The following USP25 variants were observed in gnomAD, a reference collection of about 807,000 sequenced individuals.
USP25 encodes the protein ubiquitin carboxyl-terminal hydrolase 25.
USP25 carries 85 observed loss-of-function variants against 158.5 expected under a neutral mutation model. The observed-to-expected ratio is 0.54, with a 90% CI of 0.45 to 0.64. USP25 has a LOEUF of 0.64. USP25 is among the 30% of genes least tolerant of loss of function. The pLI is 0.00. For synonymous variants in USP25, 464 were observed against 460.4 expected, an observed-to-expected ratio of 1.01 and a Z score of -0.10; for missense variants, 1,242 against 1,327.3, an observed-to-expected ratio of 0.94 and a Z score of 1.00.
intron 20 of USP25, among the ~76,000 whole-genome samples, chr21:15,863,084 ATATAAG>A (rs1257145666): frequency 6.6e-6 from 1 of 152,044 alleles, no homozygotes. Context: ...TAGAATTTAC[ATATAAG>A]TATAATATAA....
At chr21:15,787,846 A>G (rs1000073859) in intron 4 of USP25, among the ~76,000 whole-genome samples, 3 of 150,958 alleles carry the variant, frequency 2.0e-5, no homozygotes, top group Non-Finnish European at 4.4e-5. Context: ...TATTTTCAGT[A>G]TTACTGCTAT....
intron 10 of USP25, among the ~76,000 whole-genome samples, chr21:15,819,812 G>A (rs1249556657): frequency 6.6e-6 from 1 of 151,812 alleles, no homozygotes; most frequent in Non-Finnish European, 1.5e-5. Context: ...TCTTAAAGAT[G>A]CAGTTAACCC....
chr21:15,758,611 G>A (rs146161298), intron 1 of USP25, among the ~76,000 whole-genome samples: 360 of 152,144 alleles, frequency 2.4e-3, no homozygotes, highest in African/African-American at 8.2e-3. Context: ...CAGTGTATTA[G>A]TCTGTTCTCA....
intron 1 of USP25, among the ~76,000 whole-genome samples, chr21:15,755,258 T>C (rs1172015485): frequency 6.6e-6 from 1 of 152,174 alleles, no homozygotes; most frequent in East Asian, 1.9e-4. Flanking sequence ...TGGAAACCTT[T>C]GACTTTCTTT....
intron 7 of USP25, among the ~76,000 whole-genome samples, chr21:15,806,043 T>C (rs997913044): frequency 5.3e-5 from 8 of 152,118 alleles, no homozygotes; most frequent in Non-Finnish European, 1.2e-4. Flanking sequence ...TTACCTTGTA[T>C]GGCAAATGTG....
chr21:15,809,421 A>G (rs565639136), intron 8 of USP25, among the ~76,000 whole-genome samples: 2 of 152,208 alleles, frequency 1.3e-5, no homozygotes, highest in African/African-American at 4.8e-5. Context: ...GTGAGTAGGA[A>G]TATCTCACAC....
intron 20 of USP25, among the ~76,000 whole-genome samples, chr21:15,863,448 T>C (rs1234868354): frequency 1.3e-5 from 2 of 152,214 alleles, no homozygotes; most frequent in Non-Finnish European, 2.9e-5. Context: ...ATTTGTGGGC[T>C]ATTCAGCTAA....
intron 1 of USP25, 125 bp downstream of exon 1, chr21:15,730,563 G>A (rs970389413): frequency 1.8e-6 from 2 of 1,129,310 alleles, no homozygotes; most frequent in Non-Finnish European, 2.2e-6. Context: ...GGTCACCCCC[G>A]GCCCCTGCCC....
At chr21:15,845,064 C>A (rs543676418) in intron 18 of USP25, among the ~76,000 whole-genome samples, 1 of 151,986 alleles carries the variant, frequency 6.6e-6, no homozygotes, top group Non-Finnish European at 1.5e-5. Flanking sequence ...ATTTCCCATG[C>A]TAGAAATGAA....
At chr21:15,844,950 A>G (rs1453336028) in intron 18 of USP25, among the ~76,000 whole-genome samples, 1 of 152,158 alleles carries the variant, frequency 6.6e-6, no homozygotes. Flanking sequence ...CTTCTTGTTT[A>G]TGTATCTGCT....
At chr21:15,817,174 A>C (rs1438328716) in intron 9 of USP25, among the ~76,000 whole-genome samples, 1 of 96,052 alleles carries the variant, frequency 1.0e-5, no homozygotes, top group Non-Finnish European at 1.9e-5. Context: ...CTAGTTGTTC[A>C]AAAAAAAAAA....
chr21:15,878,242 G>T, intron 25 of USP25, 61 bp from the exon 26 acceptor site: 1 of 1,551,024 alleles, frequency 6.4e-7, no homozygotes, highest in South Asian at 1.2e-5. Context: ...AGTAAATCAT[G>T]TTGACAATGA....
Position 15,833,473 on chromosome 21 carries a change from C to T in USP25, c.2119C>T (p.Leu707Phe), listed in dbSNP as rs1480818469. ...AGAACTAGAAGAATGGGATGCACAACTTGCCCAGAAAGCTTTGCAGGAAAA... is the reference window on the plus strand; with the variant it reads ...AGAACTAGAAGAATGGGATGCACAATTTGCCCAGAAAGCTTTGCAGGAAAA... ...EKELEEWDAQ[L>F]AQKALQEKLL... Residue 707 changes from leucine (L) to phenylalanine (F), a missense_variant, in exon 17 of 26, where the codon CTT (leucine) becomes TTT (phenylalanine). Transcript: ENST00000400183. 1.2e-6 allele frequency: 2 copies of T among 1,613,984 alleles called. No individual in the cohort carries two copies. The highest frequency in any genetic ancestry group is 2.7e-5 in the African/African-American group (2 of 74,936).
chr21:15,871,530 A>G (rs142884545), intron 23 of USP25, among the ~76,000 whole-genome samples: 2 of 152,332 alleles, frequency 1.3e-5, no homozygotes, highest in East Asian at 3.9e-4. Flanking sequence ...GAGACCTCGT[A>G]TTCTTGTATA....
intron 8 of USP25, among the ~76,000 whole-genome samples, 160 bp downstream of exon 8, chr21:15,809,045 G>A (rs2036530633): frequency 6.6e-6 from 1 of 152,128 alleles, no homozygotes; most frequent in Admixed American, 6.5e-5. Context: ...ACAAATAATA[G>A]TGTAACCAAA....
Position 15,827,115 on chromosome 21 carries a change from G to T in USP25, c.1605G>T (p.Pro535=), listed in dbSNP as rs751458491. The change falls in exon 14 of 26, where the codon CCG becomes CCT. Residue 535 remains proline (P), a synonymous_variant. Coordinates refer to ENST00000400183, the MANE Select transcript of USP25 (RefSeq NM_001283041.3). The stretch of plus-strand genomic sequence containing the variant: ...TACCTCCAGATTTGCCCATGCATCC[G>T]GCACCAAGGCACATAACGGAGGAAG... ...SRIPPDLPMH[P]APRHITEEEL... is the part of the protein sequence containing the mutation. The T allele has an allele frequency of 6.2e-7, 1 of 1,614,086 alleles. No individual in the cohort carries two copies. The highest frequency in any genetic ancestry group is 8.5e-7 in the Non-Finnish European group (1 of 1,180,004).
intron 3 of USP25, among the ~76,000 whole-genome samples, chr21:15,773,713 G>C (rs1161421677): frequency 1.3e-5 from 2 of 152,072 alleles, no homozygotes; most frequent in African/African-American, 4.8e-5. Context: ...AAATTATTGA[G>C]AACCTCAGAG....
intron 4 of USP25, among the ~76,000 whole-genome samples, chr21:15,779,304 ATT>A (rs2034829369): frequency 6.6e-6 from 1 of 152,020 alleles, no homozygotes; most frequent in South Asian, 2.1e-4. Context: ...GCAATGCATA[ATT>A]GTCTTGAATA....
At chr21:15,853,878 C>A (rs1183520235) in intron 20 of USP25, among the ~76,000 whole-genome samples, 2 of 152,046 alleles carry the variant, frequency 1.3e-5, no homozygotes, top group African/African-American at 2.4e-5. Flanking sequence ...ACGAGCCTAG[C>A]GCCTTCTTGC....
Sources: gnomAD v4.1 joint callset for allele counts (sites outside exome capture counted in the v4.1 genomes callset) on GRCh38, gnomAD v4.1.1 for gene constraint, MANE v1.5 for transcripts, NCBI Gene and HGNC (gene_info 2026-07-23, HGNC 2026-07-21) for gene names.